The following CSNK2A2IP variants were observed in gnomAD, a reference collection of about 807,000 sequenced individuals.
CSNK2A2IP encodes casein kinase 2 subunit alpha' interacting protein.
the CSNK2A2IP span, among the ~76,000 whole-genome samples, chr3:88,359,205 T>C: frequency 1.3e-5 from 2 of 151,882 alleles, no homozygotes; most frequent in East Asian, 3.9e-4. Context: ...ATTGCTCCTT[T>C]TAATTTCTGT....
At chr3:88,396,772 G>T in the CSNK2A2IP span, among the ~76,000 whole-genome samples, 1 of 152,186 alleles carries the variant, frequency 6.6e-6, no homozygotes, top group East Asian at 1.9e-4. Context: ...ATTTTAAAAA[G>T]ATCAGTATGG....
the CSNK2A2IP span, among the ~76,000 whole-genome samples, chr3:88,420,193 G>T: frequency 6.6e-6 from 1 of 152,132 alleles, no homozygotes. Flanking sequence ...CTTATACTTG[G>T]CAGGCTTAGC....
chr3:88,407,849 G>A, the CSNK2A2IP span, among the ~76,000 whole-genome samples: 1 of 151,710 alleles, frequency 6.6e-6, no homozygotes, highest in Non-Finnish European at 1.5e-5. Flanking sequence ...TCAGCCTCCC[G>A]AGTAGCTGGG....
At chr3:88,389,882 T>C in the CSNK2A2IP span, among the ~76,000 whole-genome samples, 2 of 151,984 alleles carry the variant, frequency 1.3e-5, no homozygotes, top group African/African-American at 4.8e-5. Flanking sequence ...AGCACAAGTG[T>C]TCTATAAAAG....
chr3:88,417,756 A>T, the CSNK2A2IP span, among the ~76,000 whole-genome samples: 1 of 152,160 alleles, frequency 6.6e-6, no homozygotes, highest in Non-Finnish European at 1.5e-5. Context: ...AACATAAATC[A>T]GCTCTTTCTT....
At chr3:88,449,954 A>G in the CSNK2A2IP span, among the ~76,000 whole-genome samples, 1 of 145,494 alleles carries the variant, frequency 6.9e-6, no homozygotes, top group Non-Finnish European at 1.5e-5. Flanking sequence ...TGCAACCTCC[A>G]CCATCTGGGT....
chr3:88,457,651 G>C, the CSNK2A2IP span, among the ~76,000 whole-genome samples: 2 of 150,044 alleles, frequency 1.3e-5, no homozygotes, highest in Non-Finnish European at 3.0e-5. Flanking sequence ...AGCCGAGATC[G>C]TGCTATTGCA....
chr3:88,448,960 G>C, the CSNK2A2IP span, among the ~76,000 whole-genome samples: 4 of 152,072 alleles, frequency 2.6e-5, no homozygotes, highest in Non-Finnish European at 5.9e-5. Flanking sequence ...TTGACTGGTA[G>C]GTAGCGTTTA....
the CSNK2A2IP span, among the ~76,000 whole-genome samples, chr3:88,461,043 C>T: frequency 1.3e-5 from 2 of 151,368 alleles, no homozygotes; most frequent in Admixed American, 6.6e-5. Context: ...GCCAAGATTG[C>T]ACCATTGCAC....
chr3:88,445,297 A>AAAAAAAAAAAAAAC, the CSNK2A2IP span, among the ~76,000 whole-genome samples: 1 of 148,590 alleles, frequency 6.7e-6, no homozygotes, highest in African/African-American at 2.5e-5. Flanking sequence ...AAAAAAAAAA[A>AAAAAAAAAAAAAAC]AAATTAGCCA....
At chr3:88,446,701 G>A in the CSNK2A2IP span, among the ~76,000 whole-genome samples, 3 of 152,086 alleles carry the variant, frequency 2.0e-5, no homozygotes, top group East Asian at 3.9e-4. Flanking sequence ...AGAAGGTCAC[G>A]CCACTTATGA....
At chr3:88,386,838 G>T in the CSNK2A2IP span, among the ~76,000 whole-genome samples, 1 of 152,124 alleles carries the variant, frequency 6.6e-6, no homozygotes, top group Non-Finnish European at 1.5e-5. Flanking sequence ...AGAAAAAGAT[G>T]GTCATAAGTG....
chr3:88,409,562 T>A, the CSNK2A2IP span, among the ~76,000 whole-genome samples: 9 of 152,110 alleles, frequency 5.9e-5, no homozygotes, highest in African/African-American at 2.2e-4. Flanking sequence ...TCTCTGAGAA[T>A]CAAATTATAG....
the CSNK2A2IP span, among the ~76,000 whole-genome samples, chr3:88,342,709 TAA>T: frequency 0.43 from 63,006 of 147,948 alleles, 14,254 homozygotes; most frequent in South Asian, 0.61. Context: ...TGAGCAAGGT[TAA>T]AAAAAAAAAA....
chr3:88,339,335 A>G, the CSNK2A2IP span, among the ~76,000 whole-genome samples: 3 of 151,914 alleles, frequency 2.0e-5, no homozygotes, highest in Non-Finnish European at 2.9e-5. Context: ...ACTTAACATA[A>G]TGTCCTCCAG....
the CSNK2A2IP span, among the ~76,000 whole-genome samples, chr3:88,438,053 C>A: frequency 2.2e-4 from 34 of 152,210 alleles, no homozygotes; most frequent in African/African-American, 7.9e-4. Flanking sequence ...TTTGCAAATT[C>A]GTGTTCTTAT....
At chr3:88,444,346 G>T in the CSNK2A2IP span, among the ~76,000 whole-genome samples, 3 of 152,124 alleles carry the variant, frequency 2.0e-5, no homozygotes, top group South Asian at 6.2e-4. Flanking sequence ...ATTAACAGGA[G>T]TTTATGTCAA....
chr3:88,414,270 GTTTTTTTTTTTTTTTTTTTT>G, the CSNK2A2IP span, among the ~76,000 whole-genome samples: 2 of 64,100 alleles, frequency 3.1e-5, no homozygotes, highest in South Asian at 1.3e-3. Context: ...TACCAACAAA[GTTTTTTTTTTTTTTTTTTTT>G]TTTTTTTTTT....
chr3:88,449,742 C>G, the CSNK2A2IP span, among the ~76,000 whole-genome samples: 1 of 111,624 alleles, frequency 9.0e-6, no homozygotes, highest in Admixed American at 8.5e-5. Flanking sequence ...TAACTTTTTT[C>G]CAAATATACC....
Sources: allele counts gnomAD v4.1 joint callset (sites outside exome capture counted in the v4.1 genomes callset), GRCh38; gene constraint gnomAD v4.1.1; transcripts MANE v1.5; gene names NCBI Gene and HGNC (gene_info 2026-07-23, HGNC 2026-07-21).